Variants in DLGAP2 observed in about 807,000 individuals in gnomAD.
DLGAP2 encodes DLG associated protein 2.
Under a neutral mutation model 100.3 loss-of-function variants are expected in DLGAP2, and 26 were observed. The ratio of observed to expected loss-of-function variants is 0.26; its 90% CI spans 0.19 to 0.36. DLGAP2 has a LOEUF of 0.36. Ranked by LOEUF, DLGAP2 falls within the 10% of genes least tolerant of loss-of-function variation. The pLI is 1.00. For missense variants in DLGAP2, 1,858 were observed against 1,453.2 expected (o/e 1.28, Z -4.53); for synonymous variants, 886 against 630.1 (o/e 1.41, Z -6.08).
chr8:1,513,416 C>T (rs1288502571), intron 4 of DLGAP2, among the ~76,000 whole-genome samples: 1 of 151,966 alleles, frequency 6.6e-6, no homozygotes, highest in African/African-American at 2.4e-5. Flanking sequence ...AGGCCAGCCC[C>T]ACGGAGGCTC....
intron 2 of DLGAP2, among the ~76,000 whole-genome samples, chr8:945,647 T>C (rs934676846): frequency 6.6e-6 from 1 of 152,184 alleles, no homozygotes; most frequent in African/African-American, 2.4e-5. Context: ...CTATTGAGCA[T>C]TACTTGTGGT....
At chr8:1,384,145 A>G (rs1280860330) in intron 3 of DLGAP2, among the ~76,000 whole-genome samples, 1 of 152,256 alleles carries the variant, frequency 6.6e-6, no homozygotes, top group Non-Finnish European at 1.5e-5. Context: ...CCAGGTCTGT[A>G]TTTTTTAAAG....
chr8:1,066,178 C>T (rs577974294), intron 2 of DLGAP2, among the ~76,000 whole-genome samples: 2 of 148,854 alleles, frequency 1.3e-5, no homozygotes, highest in Non-Finnish European at 3.0e-5. Context: ...AGGACAGTTC[C>T]CCACCACGGT....
In DLGAP2 at chr8:1,446,095, A is replaced by C. The variant is rs1032944839; in HGVS notation, c.107-55271A>C. ...TGCTGTGCAGAAGCTCTTGAGTTTA[A>C]TTAGATCCCATTTGTCAATTTTGGC... On this transcript the variant is annotated intron_variant, in intron 3 of 14. Coordinates refer to ENST00000637795, the MANE Select transcript of DLGAP2 (RefSeq NM_001346810.2). Among the ~76,000 whole-genome samples, 32 of 152,042 alleles carry C rather than the reference A, an allele frequency of 2.1e-4. No individual in the cohort carries two copies. In the East Asian group the frequency reaches 6.2e-3, roughly 29 times the overall value.
intron 3 of DLGAP2, among the ~76,000 whole-genome samples, chr8:1,416,307 C>T (rs1354581056): frequency 6.6e-6 from 1 of 152,312 alleles, no homozygotes; most frequent in East Asian, 1.9e-4. Flanking sequence ...GCCATGGAAA[C>T]CAGCTTCCCG....
intron 14 of DLGAP2, 51 bp from the exon 15 acceptor site, chr8:1,701,137 C>T (rs1799554831): frequency 6.6e-7 from 1 of 1,522,480 alleles, no homozygotes; most frequent in African/African-American, 1.4e-5. Context: ...TCGCGAGCTG[C>T]TGGGACCCTC....
rs184685125 is a variant in DLGAP2, at chr8:962,273, C to T, written c.73+54307C>T. On this transcript the variant is annotated intron_variant, in intron 2 of 14. Coordinates refer to ENST00000637795, the MANE Select transcript of DLGAP2 (RefSeq NM_001346810.2). ...TAAAATTACAGCTAAAAACAGATGG[C>T]GAAGTAAGGAGAGGGGCTTCTTCCC... Among the ~76,000 whole-genome samples the T allele has an allele frequency of 7.2e-5, 11 of 152,238 alleles. No homozygotes were observed. The East Asian group carries it at 1.7e-3, about 24-fold the overall frequency.
intron 2 of DLGAP2, among the ~76,000 whole-genome samples, chr8:1,013,477 T>A (rs1801356167): frequency 6.6e-6 from 1 of 152,212 alleles, no homozygotes; most frequent in East Asian, 1.9e-4. Flanking sequence ...TGAGCCAGCC[T>A]TTCCCAGGAC....
At chr8:1,483,896 C>T (rs757912677) in intron 3 of DLGAP2, among the ~76,000 whole-genome samples, 4 of 152,210 alleles carry the variant, frequency 2.6e-5, no homozygotes, top group Admixed American at 6.5e-5. Flanking sequence ...TCAAACATAG[C>T]AACACAATAT....
intron 3 of DLGAP2, among the ~76,000 whole-genome samples, chr8:1,273,279 G>T (rs1456827794): frequency 7.3e-6 from 1 of 137,672 alleles, no homozygotes; most frequent in Non-Finnish European, 1.6e-5. Context: ...GCAGTAGGAA[G>T]TCCGGGAGCC....
intron 2 of DLGAP2, among the ~76,000 whole-genome samples, chr8:1,233,395 C>T (rs530750233): frequency 1.3e-5 from 2 of 152,222 alleles, no homozygotes; most frequent in South Asian, 2.1e-4. Context: ...CTGTAACCTC[C>T]TGGGAGCAAG....
In DLGAP2 at chr8:943,298, T is replaced by TG. The variant is rs534173612; in HGVS notation, c.73+35335dup. On this transcript the variant is annotated intron_variant, in intron 2 of 14. Transcript: ENST00000637795. ...GCCTTTCTGCACAGCGTGTCATCAG[T>TG]GGGAAAAAAAAATCATACGGCGAGA... Among the ~76,000 whole-genome samples the TG allele has an allele frequency of 1.4e-4, 19 of 138,594 alleles. No individual in the cohort carries two copies. In the South Asian group the frequency reaches 3.4e-3, roughly 25 times the overall value. 90.9% of individuals were successfully genotyped at this position (138,594 alleles called of 152,430 possible).
intron 12 of DLGAP2, among the ~76,000 whole-genome samples, chr8:1,685,605 G>A (rs1799094310): frequency 6.6e-6 from 1 of 152,046 alleles, no homozygotes; most frequent in Admixed American, 6.6e-5. Flanking sequence ...AAAAGACATG[G>A]ATGCTTGTCA....
Position 1,160,800 on chromosome 8 carries a change from TG to T in DLGAP2, c.74-98049del, listed in dbSNP as rs199714201. Among the ~76,000 whole-genome samples, 1,309 of 152,318 alleles carry T rather than the reference TG, an allele frequency of 8.6e-3. 21 individuals are homozygous for T. Among genetic ancestry groups the T allele is most frequent in the African/African-American group, 0.029 (1,225 of 41,574 alleles). On this transcript the variant is annotated intron_variant, in intron 2 of 14. Coordinates refer to ENST00000637795, the MANE Select transcript of DLGAP2 (RefSeq NM_001346810.2). ...GGAAGGCGAGGAAGCCTGGCAGGGA[TG>T]GTTTTTTCACCACCTCGAAGACCAG...
At chr8:1,692,899 AATAT>A (rs1048214805) in intron 13 of DLGAP2, among the ~76,000 whole-genome samples, 3 of 147,994 alleles carry the variant, frequency 2.0e-5, no homozygotes, top group African/African-American at 7.5e-5. Context: ...CTTATATATA[AATAT>A]ATATACACAT....
At chr8:1,041,821 G>A (rs1257442672) in intron 2 of DLGAP2, among the ~76,000 whole-genome samples, 1 of 151,990 alleles carries the variant, frequency 6.6e-6, no homozygotes, top group African/African-American at 2.4e-5. Flanking sequence ...AGTGTTCTCC[G>A]AGCTCCTTGC....
intron 1 of DLGAP2, among the ~76,000 whole-genome samples, chr8:848,388 G>GTTCCAGTGTAGGGTCGTGCGGTGCC (rs1797112654): frequency 8.7e-6 from 1 of 114,638 alleles, no homozygotes; most frequent in Admixed American, 8.4e-5. Flanking sequence ...CGTGCGGTGC[G>GTTCCAGTGTAGGGTCGTGCGGTGCC]TGTTCCAGTG....
Position 1,493,367 on chromosome 8 carries a change from C to T in DLGAP2, c.107-7999C>T, listed in dbSNP as rs75161259. 3.3e-3 allele frequency among the ~76,000 whole-genome samples: 505 copies of T among 152,304 alleles called. 1 individual carries two copies. The highest frequency in any genetic ancestry group is 5.8e-3 in the Non-Finnish European group (394 of 68,022). ...GACCCAGCGTGTAGACATCTGCCTC[C>T]ATCTCCGCAGCTCTGAGACGTGCCT... On this transcript the variant is annotated intron_variant, in intron 3 of 14. Coordinates refer to ENST00000637795, the MANE Select transcript of DLGAP2 (RefSeq NM_001346810.2).
chr8:1,263,728 T>C (rs997287237), intron 3 of DLGAP2, among the ~76,000 whole-genome samples: 1 of 152,158 alleles, frequency 6.6e-6, no homozygotes, highest in African/African-American at 2.4e-5. Flanking sequence ...AAATTGCATA[T>C]TGAAGAGCTT....
Sources: gnomAD v4.1 joint callset for allele counts (sites outside exome capture counted in the v4.1 genomes callset) on GRCh38, gnomAD v4.1.1 for gene constraint, MANE v1.5 for transcripts, NCBI Gene and HGNC (gene_info 2026-07-23, HGNC 2026-07-21) for gene names.